NSG2: variants seen among roughly 807,000 people sequenced by gnomAD.
The protein encoded by NSG2 is neuronal vesicle trafficking-associated protein 2.
In NSG2, 4 loss-of-function variants were observed where a neutral mutation model predicts 16.9. The observed-to-expected ratio is 0.24, with a 90% CI of 0.12 to 0.54. The LOEUF (loss-of-function observed/expected upper bound fraction) is 0.54, where lower values mean the gene tolerates loss of function less well. NSG2 is among the 20% of genes least tolerant of loss of function. The pLI is 0.95. For missense variants in NSG2, 179 were observed against 221.1 expected (o/e 0.81, Z 1.21); for synonymous variants, 98 against 88.7 (o/e 1.11, Z -0.59).
At chr5:174,097,603 G>A (rs541936445) in intron 3 of NSG2, among the ~76,000 whole-genome samples, 6 of 151,094 alleles carry the variant, frequency 4.0e-5, no homozygotes, top group Non-Finnish European at 8.8e-5. Context: ...AACTGTGTGT[G>A]TGTCTGTGTT....
At chr5:174,055,246 T>C (rs1301373100) in intron 2 of NSG2, among the ~76,000 whole-genome samples, 3 of 152,198 alleles carry the variant, frequency 2.0e-5, no homozygotes, top group Non-Finnish European at 2.9e-5. Context: ...AAGTCCCCCG[T>C]AGAGGATCCT....
At chr5:174,057,102 T>G (rs549384657) in intron 2 of NSG2, among the ~76,000 whole-genome samples, 56 of 152,344 alleles carry the variant, frequency 3.7e-4, no homozygotes, top group African/African-American at 9.6e-4. Context: ...ACAGTCATAT[T>G]TGAAAACCTG....
At chr5:174,080,370 A>G (rs569134501) in intron 3 of NSG2, among the ~76,000 whole-genome samples, 1 of 150,674 alleles carries the variant, frequency 6.6e-6, no homozygotes, top group East Asian at 1.9e-4. Flanking sequence ...ATATAACCAT[A>G]TGTATGTGGA....
At position 174,107,616 on chromosome 5, in the gene NSG2, CG is replaced by C. The variant is rs749024465; in HGVS notation, c.*115del. 23 of 253,466 alleles carry C rather than the reference CG, an allele frequency of 9.1e-5. No individual in the cohort carries two copies. Among genetic ancestry groups the C allele is most frequent in the South Asian group, 6.7e-4 (23 of 34,354 alleles). 15.7% of individuals were successfully genotyped at this position (253,466 alleles called of 1,614,324 possible). ...TACTCCTGGGATATGGGGGCGGGGG[CG>C]GGGCAGGGCAGGGTGGGGGGAAGAA... On this transcript the variant is annotated 3_prime_UTR_variant, in exon 5 of 5. Coordinates refer to ENST00000303177, the MANE Select transcript of NSG2 (RefSeq NM_015980.5). This position sits in a 1 kb window ranked among gnomAD's most constrained non-coding sequence, Gnocchi z 4.5.
intron 3 of NSG2, among the ~76,000 whole-genome samples, chr5:174,097,243 A>G (rs553556711): frequency 3.5e-4 from 53 of 152,054 alleles, no homozygotes; most frequent in Non-Finnish European, 6.5e-4. Flanking sequence ...ACAAGCCTGA[A>G]GAGGAATCTT....
At chr5:174,096,072 A>G (rs143049694) in intron 3 of NSG2, among the ~76,000 whole-genome samples, 186 of 152,360 alleles carry the variant, frequency 1.2e-3, no homozygotes, top group African/African-American at 4.1e-3. Context: ...CATCTGAAAA[A>G]TGAGGATACA....
At chr5:174,071,995 C>G (rs996996950) in intron 3 of NSG2, among the ~76,000 whole-genome samples, 1 of 152,286 alleles carries the variant, frequency 6.6e-6, no homozygotes, top group South Asian at 2.1e-4. Context: ...ACCCTGCTCA[C>G]GTTCCCTCCA....
chr5:174,066,989 CAAAAAAAAAAAAAAAAAAA>C (rs543368373), intron 3 of NSG2, among the ~76,000 whole-genome samples: 1 of 27,946 alleles, frequency 3.6e-5, no homozygotes, highest in Non-Finnish European at 8.8e-5. Flanking sequence ...GACTCTGTCT[CAAAAAAAAAAAAAAAAAAA>C]AAAAAAAAGA....
chr5:174,047,769 G>A (rs1335797033), intron 2 of NSG2, among the ~76,000 whole-genome samples: 1 of 152,232 alleles, frequency 6.6e-6, no homozygotes, highest in Non-Finnish European at 1.5e-5. Flanking sequence ...TATGGACACA[G>A]AAGGGAGAAA....
intron 3 of NSG2, among the ~76,000 whole-genome samples, chr5:174,077,725 A>G (rs1760371563): frequency 6.6e-6 from 1 of 152,004 alleles, no homozygotes; most frequent in Non-Finnish European, 1.5e-5. Context: ...TCCCTCCTTC[A>G]TGCAGTTATT....
In NSG2 at chr5:174,046,822, C is replaced by G. The variant is rs1179115125; in HGVS notation, c.67C>G (p.Gln23Glu). ...GCCGCCTTCAGTTGAGGATGGCTTC[C>G]AGACCGTCCCTCTCATCACTCCCTT... ...TKPPSVEDGF[Q>E]TVPLITPLEV... Residue 23 changes from glutamine to glutamate, a missense_variant, in exon 2 of 5, where the codon CAG becomes GAG. Coordinates refer to ENST00000303177, the MANE Select transcript of NSG2 (RefSeq NM_015980.5). 1 of 1,614,128 alleles carries G rather than the reference C, an allele frequency of 6.2e-7. No individual in the cohort carries two copies. The highest frequency in any genetic ancestry group is 8.5e-7 in the Non-Finnish European group (1 of 1,180,018).
chr5:174,065,651 A>G (rs142408250), intron 3 of NSG2, among the ~76,000 whole-genome samples: 1 of 152,328 alleles, frequency 6.6e-6, no homozygotes, highest in African/African-American at 2.4e-5. Context: ...ACGGTGGCAG[A>G]TCAGATAAGG....
intron 3 of NSG2, chr5:174,082,388 G>T (rs1760495706): frequency 6.6e-6 from 1 of 152,242 alleles, no homozygotes; most frequent in African/African-American, 2.4e-5. Flanking sequence ...TATTAATGGA[G>T]CAGTATTTGC....
intron 2 of NSG2, among the ~76,000 whole-genome samples, chr5:174,061,646 C>T (rs1263112914): frequency 6.6e-6 from 1 of 152,164 alleles, no homozygotes; most frequent in African/African-American, 2.4e-5. Context: ...GCTCTGTCGC[C>T]AGGCTGGAGT....
intron 3 of NSG2, among the ~76,000 whole-genome samples, chr5:174,079,258 T>G (rs1760404982): frequency 6.7e-6 from 1 of 148,558 alleles, no homozygotes; most frequent in Admixed American, 6.7e-5. Context: ...TCTCTCTCTC[T>G]CTCTCTTTTT....
chr5:174,047,036 C>A, intron 2 of NSG2, 152 bp downstream of exon 2: 1 of 764,408 alleles, frequency 1.3e-6, no homozygotes, highest in Non-Finnish European at 2.1e-6. Flanking sequence ...CTTCCAGAGC[C>A]AAGACATCTC....
intron 3 of NSG2, among the ~76,000 whole-genome samples, chr5:174,082,872 A>G (rs968760448): frequency 6.6e-6 from 1 of 152,068 alleles, no homozygotes; most frequent in African/African-American, 2.4e-5. Flanking sequence ...GTCAATTTCC[A>G]TCCAAGCTGC....
rs192744412 is a variant in NSG2 at position 174,047,890 on chromosome 5, C to T, written c.129+1006C>T. On this transcript the variant is annotated intron_variant, in intron 2 of 4. Transcript: ENST00000303177. Reference sequence around the variant, plus strand: ...ATGATGGAGTTCCCTGGCTTAAGAGCGAACAATGGATCATTCCATCTGTTT... The same window carrying T: ...ATGATGGAGTTCCCTGGCTTAAGAGTGAACAATGGATCATTCCATCTGTTT... Among the ~76,000 whole-genome samples the T allele has an allele frequency of 6.9e-4, 105 of 152,320 alleles. 1 individual carries two copies. The highest frequency in any genetic ancestry group is 1.5e-3 in the South Asian group (7 of 4,820).
intron 2 of NSG2, among the ~76,000 whole-genome samples, chr5:174,049,489 C>T (rs1331438170): frequency 6.6e-6 from 1 of 152,200 alleles, no homozygotes; most frequent in African/African-American, 2.4e-5. Context: ...GTGCAATTTT[C>T]TTTCTTCTTC....
Sources: allele counts gnomAD v4.1 joint callset (sites outside exome capture counted in the v4.1 genomes callset), GRCh38; gene constraint gnomAD v4.1.1; non-coding constraint Gnocchi (gnomAD v3.1); transcripts MANE v1.5; gene names NCBI Gene and HGNC (gene_info 2026-07-23, HGNC 2026-07-21).